TCF4: variants seen among roughly 807,000 people sequenced by gnomAD.
TCF4 encodes the protein SL3-3 enhancer factor 2.
In TCF4, 3 loss-of-function variants were observed where a neutral mutation model predicts 82.1. That is an observed-to-expected ratio of 0.04 (90% CI 0.02 to 0.09). TCF4 has a LOEUF of 0.09. TCF4 is among the 10% of genes least tolerant of loss of function. TCF4 has a pLI of 1.00. For synonymous variants in TCF4, 276 were observed against 309.6 expected, an observed-to-expected ratio of 0.89 and a Z score of 1.14; for missense variants, 518 against 852.7, an observed-to-expected ratio of 0.61 and a Z score of 4.89.
chr18:55,428,991 T>C (rs144217123), intron 5 of TCF4, among the ~76,000 whole-genome samples: 12 of 152,034 alleles, frequency 7.9e-5, no homozygotes, highest in East Asian at 3.9e-4. Flanking sequence ...AAAATAAATA[T>C]AAGTGGGAAA....
intron 11 of TCF4, chr18:55,265,603 C>T (rs778670792): frequency 2.4e-4 from 36 of 152,134 alleles, no homozygotes; most frequent in Admixed American, 7.2e-4. Context: ...TCTTATTACT[C>T]TTATGCTCTG....
rs549194354 is a variant in TCF4, at chr18:55,237,241, C to T, written c.1351-2558G>A. ...TCAAGCTATCTTCAGTTACGGTGAT[C>T]TTTGTCTCTATTTTGTTAAAATCCA... is the stretch of plus-strand genomic sequence containing the variant. On this transcript the variant is annotated intron_variant, in intron 15 of 19. Coordinates refer to ENST00000354452, the MANE Select transcript of TCF4 (RefSeq NM_001083962.2). Among the ~76,000 whole-genome samples, 5 of 152,198 alleles carry T rather than the reference C, an allele frequency of 3.3e-5. No homozygotes were observed. The South Asian group carries it at 8.3e-4, about 25-fold the overall frequency.
intron 8 of TCF4, among the ~76,000 whole-genome samples, chr18:55,301,814 TG>T (rs879662082): frequency 5.7e-4 from 43 of 74,824 alleles, no homozygotes; most frequent in African/African-American, 1.3e-3. Context: ...AAAAAAAAAG[TG>T]GGGGGGGATT....
intron 6 of TCF4, among the ~76,000 whole-genome samples, chr18:55,394,915 G>A (rs533027976): frequency 4.6e-5 from 7 of 152,248 alleles, no homozygotes; most frequent in South Asian, 4.1e-4. Context: ...TATCAGGCAC[G>A]GCAGCAGACT....
chr18:55,441,018 T>C (rs531036757), intron 5 of TCF4, among the ~76,000 whole-genome samples: 108 of 152,350 alleles, frequency 7.1e-4, no homozygotes, highest in African/African-American at 2.6e-3. Flanking sequence ...CATTTTGTTT[T>C]GAGGGATAAA....
At chr18:55,280,256 C>T (rs953680366) in intron 8 of TCF4, among the ~76,000 whole-genome samples, 1 of 152,112 alleles carries the variant, frequency 6.6e-6, no homozygotes, top group Non-Finnish European at 1.5e-5. Flanking sequence ...ATAAGACCAC[C>T]AACAATCAGT....
intron 3 of TCF4, among the ~76,000 whole-genome samples, chr18:55,509,434 G>A (rs1182459700): frequency 6.6e-6 from 1 of 152,002 alleles, no homozygotes; most frequent in Non-Finnish European, 1.5e-5. Flanking sequence ...TTAATTCACT[G>A]TGTTGAAAAC....
At chr18:55,297,937 T>C (rs1189351326) in intron 8 of TCF4, among the ~76,000 whole-genome samples, 2 of 152,216 alleles carry the variant, frequency 1.3e-5, no homozygotes, top group East Asian at 1.9e-4. Context: ...ACATCATTGA[T>C]GTCTATCTAA....
At chr18:55,411,698 G>A (rs1007617913) in intron 5 of TCF4, among the ~76,000 whole-genome samples, 12 of 151,926 alleles carry the variant, frequency 7.9e-5, no homozygotes, top group African/African-American at 2.7e-4. Flanking sequence ...TCTTCTCCAT[G>A]GTACGTGAAT....
At chr18:55,280,187 C>T (rs1033510339) in intron 8 of TCF4, among the ~76,000 whole-genome samples, 2 of 152,040 alleles carry the variant, frequency 1.3e-5, no homozygotes, top group African/African-American at 4.8e-5. Flanking sequence ...TATTAAATTC[C>T]CATAGTGTCA....
chr18:55,300,910 G>A (rs546337313), intron 8 of TCF4, among the ~76,000 whole-genome samples: 1 of 152,254 alleles, frequency 6.6e-6, no homozygotes, highest in South Asian at 2.1e-4. Context: ...GAGAACAGGC[G>A]AAGGCAAAAG....
At chr18:55,261,105 A>G (rs904170519) in intron 12 of TCF4, 1 of 142,740 alleles carries the variant, frequency 7.0e-6, no homozygotes, top group Non-Finnish European at 1.4e-5. Context: ...TGCCTCTTTC[A>G]AAGTGTTTTA....
At position 55,443,196 on chromosome 18, in the gene TCF4, C is replaced by G. The variant is rs141588116; in HGVS notation, c.304+17823G>C. Among the ~76,000 whole-genome samples, 152 of 152,294 alleles carry G rather than the reference C, an allele frequency of 1.0e-3. 1 individual carries two copies. The East Asian group carries it at 0.025, about 26-fold the overall frequency. Reference sequence around the variant, plus strand: ...TGTTGGATACTAATCTATGCCCTTCCTCTGAGTATGCCTAGCTGTCAGGTT... The same window carrying G: ...TGTTGGATACTAATCTATGCCCTTCGTCTGAGTATGCCTAGCTGTCAGGTT... On this transcript the variant is annotated intron_variant, in intron 5 of 19. Coordinates refer to ENST00000354452, the MANE Select transcript of TCF4 (RefSeq NM_001083962.2).
At chr18:55,302,370 T>G in intron 8 of TCF4, 1 of 1,515,624 alleles carries the variant, frequency 6.6e-7, no homozygotes, top group Non-Finnish European at 8.9e-7. Context: ...AGGTGTCAAG[T>G]CAGGCAGGCT....
chr18:55,473,505 C>CT (rs1161208017), intron 3 of TCF4, among the ~76,000 whole-genome samples: 1 of 152,182 alleles, frequency 6.6e-6, no homozygotes, highest in Non-Finnish European at 1.5e-5. Context: ...ACCACAACCC[C>CT]TTTTGCTTAA....
At chr18:55,619,792 T>C (rs2080071244) in intron 2 of TCF4, among the ~76,000 whole-genome samples, 1 of 152,198 alleles carries the variant, frequency 6.6e-6, no homozygotes, top group South Asian at 2.1e-4. Context: ...GAATTTTACT[T>C]AGCTGGGTGC....
At chr18:55,537,454 G>T (rs2146871894) in intron 3 of TCF4, among the ~76,000 whole-genome samples, 1 of 152,234 alleles carries the variant, frequency 6.6e-6, no homozygotes, top group East Asian at 1.9e-4. Context: ...CCAAGGCGTG[G>T]TGGCACGTGC....
At chr18:55,390,442 T>A (rs1240538377) in intron 6 of TCF4, among the ~76,000 whole-genome samples, 2 of 152,136 alleles carry the variant, frequency 1.3e-5, no homozygotes, top group Non-Finnish European at 2.9e-5. Context: ...AAATATCTAC[T>A]GAACACAGAA....
At chr18:55,418,003 ATG>A (rs201657057) in intron 5 of TCF4, among the ~76,000 whole-genome samples, 15,243 of 143,212 alleles carry the variant, frequency 0.11, 789 homozygotes, top group Admixed American at 0.13. Flanking sequence ...TCTTGAGCAA[ATG>A]TGTGTGTGTG....
Sources: allele counts gnomAD v4.1 joint callset (sites outside exome capture counted in the v4.1 genomes callset), GRCh38; gene constraint gnomAD v4.1.1; transcripts MANE v1.5; gene names NCBI Gene and HGNC (gene_info 2026-07-23, HGNC 2026-07-21).